Variants in ABRAXAS1 observed in about 807,000 individuals in gnomAD.
ABRAXAS1 encodes BRCA1-A complex subunit Abraxas 1.
ABRAXAS1 carries 26 observed loss-of-function variants against 38.4 expected under a neutral mutation model. The ratio of observed to expected loss-of-function variants is 0.68; its 90% CI spans 0.50 to 0.94. The LOEUF is 0.94. Among genes scored for constraint, ABRAXAS1 ranks in the 40% least tolerant of loss-of-function variants. The probability of loss-of-function intolerance (pLI) is 0.00; values close to 1 mark genes in which losing one functional copy is unlikely to be tolerated. For missense variants in ABRAXAS1, 438 were observed against 481.9 expected, an observed-to-expected ratio of 0.91 and a Z score of 0.85; for synonymous variants, 144 against 165.5, an observed-to-expected ratio of 0.87 and a Z score of 1.00.
intron 1 of ABRAXAS1, 81 bp downstream of exon 1, chr4:83,484,905 A>C: frequency 3.3e-6 from 4 of 1,207,248 alleles, no homozygotes; most frequent in Non-Finnish European, 4.6e-6. Flanking sequence ...GCGGGCGGGG[A>C]CCGGAGCAAC....
intron 7 of ABRAXAS1, among the ~76,000 whole-genome samples, chr4:83,465,122 C>T (rs1004659741): frequency 6.6e-6 from 1 of 151,578 alleles, no homozygotes; most frequent in African/African-American, 2.4e-5. Flanking sequence ...ATGGCGAAAC[C>T]CTGTCTCTAC....
At chr4:83,472,192 C>CA (rs1224608860) in intron 4 of ABRAXAS1, 30 bp downstream of exon 4, 50 of 1,400,804 alleles carry the variant, frequency 3.6e-5, no homozygotes, top group Non-Finnish European at 4.3e-5. Context: ...CAAATAATAC[C>CA]AAAAAAAGGG....
At chr4:83,474,144 A>AAAATAAATAAAT (rs71668653) in intron 3 of ABRAXAS1, among the ~76,000 whole-genome samples, 3,364 of 141,986 alleles carry the variant, frequency 0.024, 75 homozygotes, top group African/African-American at 0.056. Context: ...CCTTGTCTAA[A>AAAATAAATAAAT]AAATAAATAA....
Position 83,472,205 on chromosome 4 carries a change from G to C in ABRAXAS1, c.282+17C>G. On this transcript the variant is annotated intron_variant, in intron 4 of 8. Transcript: ENST00000321945. ...TGCAAATAATACCAAAAAAAGGGAAGATAAATTAGAGAATACCTTTTTGAC... is the reference window on the plus strand; with the variant it reads ...TGCAAATAATACCAAAAAAAGGGAACATAAATTAGAGAATACCTTTTTGAC... 3 of 1,455,620 alleles carry C rather than the reference G, an allele frequency of 2.1e-6. No homozygotes were observed. Among genetic ancestry groups the C allele is most frequent in the Non-Finnish European group, 2.8e-6 (3 of 1,082,628 alleles). The allele number at this position is 1,455,620 out of a possible 1,614,324, so 90.2% of individuals were successfully genotyped here. A position where few individuals can be genotyped will look rare whatever the true frequency, so the allele number is the denominator to read the frequency against.
chr4:83,463,803 G>A (rs1334537990), intron 7 of ABRAXAS1, 195 bp from the exon 8 acceptor site: 1 of 358,672 alleles, frequency 2.8e-6, no homozygotes, highest in Non-Finnish European at 4.9e-6. Flanking sequence ...CTTATAGGTT[G>A]TAAAATGCTT....
At chr4:83,470,476 A>G in intron 4 of ABRAXAS1, 80 bp from the exon 5 acceptor site, 1 of 1,044,228 alleles carries the variant, frequency 9.6e-7, no homozygotes, top group Non-Finnish European at 1.3e-6. Flanking sequence ...TAAAATAAAC[A>G]ACCTTAAAAT....
chr4:83,464,322 AT>A (rs1032011015), intron 7 of ABRAXAS1, among the ~76,000 whole-genome samples: 1 of 152,216 alleles, frequency 6.6e-6, no homozygotes, highest in Non-Finnish European at 1.5e-5. Context: ...ACTATTGAAG[AT>A]TTTTTCCTGT....
intron 2 of ABRAXAS1, among the ~76,000 whole-genome samples, chr4:83,480,604 G>A (rs1057333590): frequency 1.3e-5 from 2 of 151,978 alleles, no homozygotes; most frequent in Non-Finnish European, 2.9e-5. Context: ...TAATCTTTCC[G>A]GAAAGCAATC....
At chr4:83,477,941 C>T in intron 2 of ABRAXAS1, 1 of 855,680 alleles carries the variant, frequency 1.2e-6, no homozygotes, top group Non-Finnish European at 2.0e-6. Flanking sequence ...CACCGATGTT[C>T]TAAAGATTCG....
intron 3 of ABRAXAS1, among the ~76,000 whole-genome samples, chr4:83,475,326 G>C (rs1328370038): frequency 2.0e-5 from 3 of 152,122 alleles, no homozygotes; most frequent in Non-Finnish European, 4.4e-5. Flanking sequence ...ACCACACTAA[G>C]CTCCTTTTTT....
Position 83,460,910 on chromosome 4 carries a change from A to T in ABRAXAS1, c.*1559T>A. The T allele has an allele frequency of 6.7e-7, 1 of 1,500,990 alleles. No homozygotes were observed. Among genetic ancestry groups the T allele is most frequent in the Admixed American group, 2.0e-5 (1 of 49,528 alleles). The allele number at this position is 1,500,990 out of a possible 1,614,324, so 93.0% of individuals were successfully genotyped here. On this transcript the variant is annotated 3_prime_UTR_variant, in exon 9 of 9. Coordinates refer to ENST00000321945, the MANE Select transcript of ABRAXAS1 (RefSeq NM_139076.3). ...GACACAGGGAGACTCCATCTCAAAAAAAAAAATTGCAAACTTTAAATATTG... is the reference window on the plus strand; with the variant it reads ...GACACAGGGAGACTCCATCTCAAAATAAAAAATTGCAAACTTTAAATATTG...
chr4:83,467,430 G>T, intron 7 of ABRAXAS1, 24 bp downstream of exon 7: 2 of 1,234,008 alleles, frequency 1.6e-6, no homozygotes, highest in South Asian at 1.2e-5. Context: ...AGAAGTGGTT[G>T]ACGTGTTTGA....
In ABRAXAS1 at chr4:83,461,303, G is replaced by A; in HGVS notation, c.*1166C>T. ...GATAGAAAAGTGTTTGAGGAGTGAG[G>A]TAAAGAATGACACTTCCCCTTCATA... On this transcript the variant is annotated 3_prime_UTR_variant, in exon 9 of 9. Coordinates refer to ENST00000321945, the MANE Select transcript of ABRAXAS1 (RefSeq NM_139076.3). 2.2e-6 allele frequency: 2 copies of A among 920,298 alleles called. No homozygotes were observed. Among genetic ancestry groups the A allele is most frequent in the Admixed American group, 1.9e-5 (1 of 53,676 alleles). The allele number at this position is 920,298 out of a possible 1,614,324, so 57.0% of individuals were successfully genotyped here.
At chr4:83,478,088 G>C (rs998312454) in intron 2 of ABRAXAS1, 1 of 891,314 alleles carries the variant, frequency 1.1e-6, no homozygotes, top group African/African-American at 1.7e-5. Flanking sequence ...TGTGGGAGTA[G>C]AGCTACCAGT....
chr4:83,478,992 A>C (rs554648552), intron 2 of ABRAXAS1: 1 of 152,266 alleles, frequency 6.6e-6, no homozygotes, highest in Non-Finnish European at 1.5e-5. Flanking sequence ...AAAAAAAGTA[A>C]AAAGTATCAA....
Position 83,459,725 on chromosome 4 carries a change from A to G in ABRAXAS1, c.*2744T>C, listed in dbSNP as rs1454921122. On this transcript the variant is annotated 3_prime_UTR_variant, in exon 9 of 9. Coordinates refer to ENST00000321945, the MANE Select transcript of ABRAXAS1 (RefSeq NM_139076.3). The stretch of plus-strand genomic sequence containing the variant: ...AGATACTTTTTTTTCCCCTCCACAT[A>G]AAACTCCAAAACAGCTTTTGTCCCA... The G allele has an allele frequency of 9.3e-6, 15 of 1,606,472 alleles. No individual in the cohort carries two copies. Among genetic ancestry groups the G allele is most frequent in the Middle Eastern group, 1.6e-4 (1 of 6,066 alleles).
rs867266178 is a variant in ABRAXAS1 at position 83,472,257 on chromosome 4, G to T, written c.247C>A (p.Gln83Lys). Residue 83 changes from glutamine (Q) to lysine (K), a missense_variant, in exon 4 of 9, where the codon CAA (glutamine) becomes AAA (lysine). Coordinates refer to ENST00000321945, the MANE Select transcript of ABRAXAS1 (RefSeq NM_139076.3). ...FYNSSGEVNE[Q>K]ALKKILSNVK... ...TTTGATAATATTTTCTTCAGTGCTTGCTCATTTACTTCGCCTGAAGAATTA... is the reference window on the plus strand; with the variant it reads ...TTTGATAATATTTTCTTCAGTGCTTTCTCATTTACTTCGCCTGAAGAATTA... The T allele has an allele frequency of 6.5e-7, 1 of 1,532,016 alleles. No individual in the cohort carries two copies. The highest frequency in any genetic ancestry group is 8.8e-7 in the Non-Finnish European group (1 of 1,138,830). 94.9% of individuals were successfully genotyped at this position (1,532,016 alleles called of 1,614,324 possible).
At chr4:83,481,128 C>T (rs1211497100) in intron 2 of ABRAXAS1, among the ~76,000 whole-genome samples, 1 of 150,054 alleles carries the variant, frequency 6.7e-6, no homozygotes, top group Non-Finnish European at 1.5e-5. Context: ...TGAGACTCTG[C>T]CTCAAAAAAA....
intron 4 of ABRAXAS1, among the ~76,000 whole-genome samples, chr4:83,471,266 C>T (rs374229572): frequency 1.3e-4 from 17 of 135,450 alleles, no homozygotes; most frequent in Admixed American, 9.8e-4. Context: ...TGCAATGGCA[C>T]GATCTCAGCT....
Sources: allele counts gnomAD v4.1 joint callset (sites outside exome capture counted in the v4.1 genomes callset), GRCh38; gene constraint gnomAD v4.1.1; transcripts MANE v1.5; gene names NCBI Gene and HGNC (gene_info 2026-07-23, HGNC 2026-07-21).